DOCK3: variants seen among roughly 807,000 people sequenced by gnomAD.
DOCK3 encodes the protein dedicator of cytokinesis 3.
In DOCK3, 60 loss-of-function variants were observed where a neutral mutation model predicts 265.6. The observed-to-expected ratio is 0.23, with a 90% CI of 0.18 to 0.28. The LOEUF (loss-of-function observed/expected upper bound fraction) is 0.28. DOCK3 is among the 10% of genes least tolerant of loss of function. DOCK3 has a pLI of 1.00. For missense variants in DOCK3, 1,981 were observed against 2,594.3 expected, an observed-to-expected ratio of 0.76 and a Z score of 5.14; for synonymous variants, 881 against 938.0, an observed-to-expected ratio of 0.94 and a Z score of 1.11.
intron 35 of DOCK3, 36 bp downstream of exon 35, chr3:51,333,289 T>A: frequency 6.3e-7 from 1 of 1,589,110 alleles, no homozygotes; most frequent in Non-Finnish European, 8.6e-7. Flanking sequence ...TCTTCCCTTG[T>A]CAGGATACTC....
intron 9 of DOCK3, among the ~76,000 whole-genome samples, chr3:51,122,080 C>G (rs926826888): frequency 6.6e-6 from 1 of 152,056 alleles, no homozygotes; most frequent in Admixed American, 6.5e-5. Context: ...CAGCAACCCC[C>G]TAGGATATTA....
intron 19 of DOCK3, among the ~76,000 whole-genome samples, chr3:51,230,465 G>T (rs1408613148): frequency 2.0e-5 from 3 of 151,880 alleles, no homozygotes; most frequent in Non-Finnish European, 4.4e-5. Context: ...TTTTTTATCT[G>T]CATGGTATTC....
chr3:51,147,049 G>C (rs2085330822), intron 10 of DOCK3, among the ~76,000 whole-genome samples: 1 of 151,958 alleles, frequency 6.6e-6, no homozygotes, highest in Non-Finnish European at 1.5e-5. Context: ...GGAGGTTGAA[G>C]CTGCAGTGAG....
At chr3:50,894,180 A>T (rs1165424900) in intron 4 of DOCK3, among the ~76,000 whole-genome samples, 3 of 152,016 alleles carry the variant, frequency 2.0e-5, no homozygotes, top group African/African-American at 4.8e-5. Flanking sequence ...TTGTGGTCAA[A>T]TTGTCAAAAG....
chr3:50,683,722 G>T (rs1329414570), intron 1 of DOCK3, among the ~76,000 whole-genome samples: 1 of 152,070 alleles, frequency 6.6e-6, no homozygotes, highest in Non-Finnish European at 1.5e-5. Flanking sequence ...TTGAAAAGAT[G>T]TTAACTTCAT....
At chr3:50,743,088 A>C (rs1434967092) in intron 1 of DOCK3, among the ~76,000 whole-genome samples, 2 of 151,734 alleles carry the variant, frequency 1.3e-5, no homozygotes, top group Admixed American at 6.6e-5. Context: ...TATCCAGCCA[A>C]ACTAAGCTTC....
rs781988049 is a variant in DOCK3, at chr3:51,381,350, G to T, written c.5884G>T (p.Val1962Phe). ...PCRSHSAPGC[V>F]IPQDPMDPPA... ...CCGAAGCCACTCAGCCCCAGGGTGC[G>T]TCATCCCTCAGGACCCCATGGACCC... Residue 1962 changes from valine (V) to phenylalanine (F), a missense_variant, in exon 53 of 53, where the codon GTC becomes TTC. Around this residue, in one of 4 missense-constraint regions of DOCK3, gnomAD observed 149 missense variants for 144.7 expected, o/e 1.03. Transcript: ENST00000266037. The surrounding 1 kb of genome is among the most constrained non-coding windows in gnomAD (Gnocchi z 5.6). The T allele has an allele frequency of 6.2e-7, 1 of 1,613,152 alleles. No individual in the cohort carries two copies. Among genetic ancestry groups the T allele is most frequent in the Admixed American group, 1.7e-5 (1 of 60,014 alleles).
intron 2 of DOCK3, among the ~76,000 whole-genome samples, chr3:50,782,576 A>AGTGTGTGT (rs145578993): frequency 3.4e-5 from 5 of 147,212 alleles, no homozygotes; most frequent in South Asian, 2.2e-4. Context: ...TTATTTTTTG[A>AGTGTGTGT]GTGTGTGTGT....
At chr3:51,173,354 C>T (rs1340280474) in intron 12 of DOCK3, among the ~76,000 whole-genome samples, 2 of 152,142 alleles carry the variant, frequency 1.3e-5, no homozygotes, top group East Asian at 3.8e-4. Context: ...AACTCCTGGG[C>T]TCAAGTGATC....
At chr3:51,004,211 TTG>T (rs1321525561) in intron 5 of DOCK3, among the ~76,000 whole-genome samples, 4 of 152,074 alleles carry the variant, frequency 2.6e-5, no homozygotes, top group Non-Finnish European at 5.9e-5. Flanking sequence ...CTCTTTCTGT[TTG>T]TGTCTTTTGG....
intron 5 of DOCK3, among the ~76,000 whole-genome samples, chr3:51,058,635 T>C (rs1006947499): frequency 2.0e-5 from 3 of 152,194 alleles, no homozygotes; most frequent in African/African-American, 7.2e-5. Flanking sequence ...CAAAATTTTC[T>C]AAGTTGAGCA....
intron 5 of DOCK3, among the ~76,000 whole-genome samples, chr3:51,027,173 T>C (rs2079858722): frequency 6.6e-6 from 1 of 151,854 alleles, no homozygotes; most frequent in African/African-American, 2.4e-5. Flanking sequence ...TTGAAATAAT[T>C]TTTTTTTGTT....
chr3:51,312,894 A>C lies in DOCK3; in HGVS notation c.3245A>C (p.Gln1082Pro). Residue 1082 changes from glutamine to proline, a missense_variant, in exon 31 of 53, where the codon CAG becomes CCG. Physicochemically the swap from Gln to Pro is moderately conservative, Grantham distance 76. Around this residue, in one of 4 missense-constraint regions of DOCK3, gnomAD observed 1,357 missense variants for 1,866.8 expected, o/e 0.73. Coordinates refer to ENST00000266037, the MANE Select transcript of DOCK3 (RefSeq NM_004947.5). ...MMAYELFSMW[Q>P]NLGEHKIHFI... ...GCCTATGAACTGTTCAGCATGTGGC[A>C]GAATTTGGGTAGGTTTTTTCTCCCT... The C allele has an allele frequency of 6.2e-7, 1 of 1,607,738 alleles. No homozygotes were observed. The highest frequency in any genetic ancestry group is 2.2e-5 in the East Asian group (1 of 44,780).
At chr3:51,360,178 A>C (rs767093658) in intron 46 of DOCK3, among the ~76,000 whole-genome samples, 1 of 152,120 alleles carries the variant, frequency 6.6e-6, no homozygotes, top group Non-Finnish European at 1.5e-5. Flanking sequence ...TTCTTCCCAG[A>C]TCTTGTTCTA....
intron 27 of DOCK3, among the ~76,000 whole-genome samples, chr3:51,293,857 T>C (rs4974097): frequency 0.91 from 138,878 of 152,272 alleles, 63,476 homozygotes; most frequent in African/African-American, 0.96. Context: ...AAATGCTCAA[T>C]ATTTCTAGTC....
intron 1 of DOCK3, among the ~76,000 whole-genome samples, chr3:50,702,760 T>C (rs2036137892): frequency 1.3e-5 from 2 of 152,144 alleles, no homozygotes; most frequent in Non-Finnish European, 2.9e-5. Context: ...GTTTCCAGCT[T>C]TTTCTGTGTA....
chr3:50,858,248 A>G (rs1364574293), intron 3 of DOCK3, among the ~76,000 whole-genome samples: 1 of 152,084 alleles, frequency 6.6e-6, no homozygotes, highest in East Asian at 1.9e-4. Context: ...TGGACACAGG[A>G]CGGGGAACAT....
chr3:50,944,273 C>G (rs1187345626), intron 5 of DOCK3, among the ~76,000 whole-genome samples: 1 of 152,118 alleles, frequency 6.6e-6, no homozygotes, highest in Non-Finnish European at 1.5e-5. Context: ...TGATGAAAAA[C>G]AGATTATCTG....
chr3:51,040,498 C>CT (rs2080439790), intron 5 of DOCK3, among the ~76,000 whole-genome samples: 1 of 152,110 alleles, frequency 6.6e-6, no homozygotes, highest in African/African-American at 2.4e-5. Context: ...AGTGGAGGGT[C>CT]TTGTCTAAGT....
Sources: allele counts gnomAD v4.1 joint callset (sites outside exome capture counted in the v4.1 genomes callset), GRCh38; gene constraint gnomAD v4.1.1; regional missense constraint gnomAD v4.1.1; non-coding constraint Gnocchi (gnomAD v3.1); transcripts MANE v1.5; gene names NCBI Gene and HGNC (gene_info 2026-07-23, HGNC 2026-07-21).